The following NASP variants were observed in gnomAD, a reference collection of about 807,000 sequenced individuals.
NASP encodes the protein NASP histone chaperone.
A neutral mutation model predicts 89.5 loss-of-function variants in NASP; 24 were observed. The ratio of observed to expected loss-of-function variants is 0.27; its 90% CI spans 0.19 to 0.38. The LOEUF is 0.38. Among genes scored for constraint, NASP ranks in the 10% least tolerant of loss-of-function variants. NASP has a pLI of 1.00. For synonymous variants in NASP, 306 were observed against 324.7 expected (o/e 0.94, Z 0.62); for missense variants, 848 against 921.4 (o/e 0.92, Z 1.03).
Position 45,604,958 on chromosome 1 carries a change from G to A in NASP, c.241G>A (p.Ala81Thr). Residue 81 changes from alanine to threonine, a missense_variant, in exon 4 of 15, where the codon GCT becomes ACT. Around this residue, in one of 5 missense-constraint regions of NASP, gnomAD observed 17 missense variants for 38.6 expected, o/e 0.44. Coordinates refer to ENST00000350030, the MANE Select transcript of NASP (RefSeq NM_002482.4). Reference sequence around the variant, plus strand: ...TAGAGGTAAGAAGTATGGAGAGACAGCTAATGAGTGTGGAGAAGCCTTCTT... The same window carrying A: ...TAGAGGTAAGAAGTATGGAGAGACAACTAATGAGTGTGGAGAAGCCTTCTT... ...SLLGKKYGET[A>T]NECGEAFFFY... is the part of the protein sequence containing the mutation. The A allele has an allele frequency of 1.2e-6, 2 of 1,612,406 alleles. No homozygotes were observed. The highest frequency in any genetic ancestry group is 1.7e-6 in the Non-Finnish European group (2 of 1,178,592).
intron 3 of NASP, 64 bp downstream of exon 3, chr1:45,602,429 ATTAT>A (rs1388277871): frequency 3.4e-6 from 5 of 1,469,312 alleles, no homozygotes; most frequent in East Asian, 2.3e-5. Context: ...GTTATCAAAA[ATTAT>A]TTTATGGGGA....
intron 2 of NASP, among the ~76,000 whole-genome samples, chr1:45,599,951 G>GTTTTTTTTTTTTTTTTTTTTTT (rs1375366938): frequency 3.9e-5 from 4 of 101,938 alleles, no homozygotes; most frequent in African/African-American, 1.3e-4. Context: ...CTTTTCCTCT[G>GTTTTTTTTTTTTTTTTTTTTTT]TATTTTTTTT....
intron 2 of NASP, among the ~76,000 whole-genome samples, chr1:45,601,745 ATTTTTTTTTT>A (rs71056316): frequency 7.3e-5 from 5 of 68,928 alleles, no homozygotes; most frequent in Middle Eastern, 0.024. Context: ...CGTTAAGAGA[ATTTTTTTTTT>A]TTTTTTTTTT....
chr1:45,595,201 G>A (rs1457245224), intron 2 of NASP, among the ~76,000 whole-genome samples: 3 of 148,394 alleles, frequency 2.0e-5, no homozygotes, highest in Admixed American at 6.8e-5. Context: ...TAGAGACAGG[G>A]TCTTATTATG....
chr1:45,612,734 G>A (rs969440844), intron 6 of NASP: 1 of 153,882 alleles, frequency 6.5e-6, no homozygotes, highest in African/African-American at 2.4e-5. Context: ...GATCAGAATG[G>A]ACTGGAATAA....
At chr1:45,589,670 C>A (rs1643473604) in intron 1 of NASP, among the ~76,000 whole-genome samples, 2 of 152,052 alleles carry the variant, frequency 1.3e-5, no homozygotes, top group Non-Finnish European at 2.9e-5. Flanking sequence ...GAGGCCCAGG[C>A]GGGAGGATCA....
At chr1:45,600,228 A>AGTG (rs1357951748) in intron 2 of NASP, among the ~76,000 whole-genome samples, 4 of 152,216 alleles carry the variant, frequency 2.6e-5, no homozygotes, top group Non-Finnish European at 5.9e-5. Flanking sequence ...TGAAAGTCTA[A>AGTG]GTGACATACA....
chr1:45,598,233 C>T (rs1002556069), intron 2 of NASP, among the ~76,000 whole-genome samples: 5 of 149,430 alleles, frequency 3.3e-5, no homozygotes, highest in African/African-American at 7.4e-5. Context: ...TGCAATGGCA[C>T]GATCTTGGCT....
chr1:45,606,407 A>G, intron 4 of NASP, 75 bp from the exon 5 acceptor site: 2 of 968,040 alleles, frequency 2.1e-6, no homozygotes, highest in South Asian at 2.7e-5. Context: ...ATAATATAGG[A>G]CTGTATTTTC....
intron 2 of NASP, among the ~76,000 whole-genome samples, chr1:45,600,627 A>G (rs1473849835): frequency 6.6e-6 from 1 of 152,204 alleles, no homozygotes; most frequent in Non-Finnish European, 1.5e-5. Flanking sequence ...TTTTTGGCTT[A>G]CAAATAAAGC....
intron 11 of NASP, 70 bp downstream of exon 11, chr1:45,615,541 AC>A: frequency 6.9e-7 from 1 of 1,444,278 alleles, no homozygotes; most frequent in Non-Finnish European, 9.4e-7. Flanking sequence ...TTTGCCAGGA[AC>A]TTTTCATCAT....
chr1:45,612,978 C>A, intron 6 of NASP, 191 bp from the exon 7 acceptor site: 1 of 678,420 alleles, frequency 1.5e-6, no homozygotes, highest in Non-Finnish European at 2.1e-6. Flanking sequence ...TAAGATTGCA[C>A]ATTCTTAGTC....
At position 45,599,786 on chromosome 1, in the gene NASP, A is replaced by G. The variant is rs536566675; in HGVS notation, c.108-2469A>G. Reference sequence around the variant, plus strand: ...CTGTTCTTGTTCTATCTTAAAGTCTATACTAATGTGATGCTGCTCTCTCCC... The same window carrying G: ...CTGTTCTTGTTCTATCTTAAAGTCTGTACTAATGTGATGCTGCTCTCTCCC... On this transcript the variant is annotated intron_variant, in intron 2 of 14. Coordinates refer to ENST00000350030, the MANE Select transcript of NASP (RefSeq NM_002482.4). Among the ~76,000 whole-genome samples the G allele has an allele frequency of 4.6e-5, 7 of 152,278 alleles. No homozygotes were observed. In the South Asian group the frequency reaches 1.2e-3, roughly 27 times the overall value.
intron 2 of NASP, among the ~76,000 whole-genome samples, chr1:45,595,912 G>A (rs1325815822): frequency 6.6e-6 from 1 of 152,222 alleles, no homozygotes; most frequent in Non-Finnish European, 1.5e-5. Context: ...GTGTGATTAA[G>A]AGTTGATTGA....
At position 45,604,928 on chromosome 1, in the gene NASP, C is replaced by G. The variant is rs377619064; in HGVS notation, c.219-8C>G. ...AATTCAGATTTTAGATGTTTATTCT[C>G]TTTGTAGAGGTAAGAAGTATGGAGA... is the stretch of plus-strand genomic sequence containing the variant. On this transcript the variant is annotated splice_region_variant and splice_polypyrimidine_tract_variant and intron_variant, in intron 3 of 14. Transcript: ENST00000350030. 1 of 1,591,294 alleles carries G rather than the reference C, an allele frequency of 6.3e-7. No individual in the cohort carries two copies. The highest frequency in any genetic ancestry group is 2.2e-5 in the East Asian group (1 of 44,672).
At position 45,607,664 on chromosome 1, in the gene NASP, A is replaced by G; in HGVS notation, c.753A>G (p.Gln251=). The change falls in exon 6 of 15, where the codon CAA becomes CAG. Residue 251 remains glutamine, a synonymous_variant. Coordinates refer to ENST00000350030, the MANE Select transcript of NASP (RefSeq NM_002482.4). ...EEKSVSGTDV[Q]EECREKGGQE... ...AATCAGTTTCTGGAACTGATGTCCA[A>G]GAAGAGTGCAGAGAAAAAGGAGGTC... is the stretch of plus-strand genomic sequence containing the variant. 1 of 1,614,212 alleles carries G rather than the reference A, an allele frequency of 6.2e-7. No homozygotes were observed. Among genetic ancestry groups the G allele is most frequent in the Middle Eastern group, 1.6e-4 (1 of 6,062 alleles).
Position 45,589,657 on chromosome 1 carries a change from T to A in NASP, c.60-1566T>A, listed in dbSNP as rs971501426. On this transcript the variant is annotated intron_variant, in intron 1 of 14. Transcript: ENST00000350030. ...GCTCACACCTGTAATCTCAGCACTT[T>A]GGGAGGCCCAGGCGGGAGGATCACT... is the stretch of plus-strand genomic sequence containing the variant. Among the ~76,000 whole-genome samples, 11 of 152,162 alleles carry A rather than the reference T, an allele frequency of 7.2e-5. No homozygotes were observed. In the South Asian group the frequency reaches 2.3e-3, roughly 32 times the overall value.
chr1:45,616,553 T>A, intron 12 of NASP, 73 bp from the exon 13 acceptor site: 4 of 1,553,418 alleles, frequency 2.6e-6, no homozygotes, highest in Non-Finnish European at 3.5e-6. Flanking sequence ...TCTGAAAAAC[T>A]AAAAAATTAT....
chr1:45,618,032 C>T (rs1179357038), intron 14 of NASP, 29 bp from the exon 15 acceptor site: 1 of 1,575,350 alleles, frequency 6.3e-7, no homozygotes, highest in Non-Finnish European at 8.6e-7. Context: ...ACTAGGCTCA[C>T]TCATGCCCAG....
Sources: allele counts gnomAD v4.1 joint callset (sites outside exome capture counted in the v4.1 genomes callset), GRCh38; gene constraint gnomAD v4.1.1; regional missense constraint gnomAD v4.1.1; transcripts MANE v1.5; gene names NCBI Gene and HGNC (gene_info 2026-07-23, HGNC 2026-07-21).